Variants in CSMD1 observed in about 807,000 individuals in gnomAD.
The protein encoded by CSMD1 is CUB and sushi domain-containing protein 1.
A neutral mutation model predicts 417.5 loss-of-function variants in CSMD1; 213 were observed. The observed-to-expected ratio is 0.51, with a 90% CI of 0.46 to 0.57. The LOEUF (loss-of-function observed/expected upper bound fraction) is 0.57. Among genes scored for constraint, CSMD1 ranks in the 20% least tolerant of loss-of-function variants. CSMD1 has a pLI of 0.00. For missense variants in CSMD1, 6,923 were observed against 4,529.7 expected (o/e 1.53, Z -15.17); for synonymous variants, 2,862 against 1,736.8 (o/e 1.65, Z -16.11).
At chr8:4,166,850 G>C (rs565877979) in intron 3 of CSMD1, among the ~76,000 whole-genome samples, 1 of 152,148 alleles carries the variant, frequency 6.6e-6, no homozygotes, top group African/African-American at 2.4e-5. Context: ...ATTTAAATTT[G>C]TTTCAATGAA....
intron 6 of CSMD1, among the ~76,000 whole-genome samples, chr8:3,710,626 A>T (rs4348525): frequency 0.33 from 50,140 of 151,892 alleles, 8,456 homozygotes; most frequent in East Asian, 0.49. Context: ...ATTCTGACAC[A>T]CCTGGAGACC....
At chr8:3,112,248 A>C (rs910301746) in intron 42 of CSMD1, among the ~76,000 whole-genome samples, 2 of 152,202 alleles carry the variant, frequency 1.3e-5, no homozygotes, top group Non-Finnish European at 2.9e-5. Context: ...AACTCATGAA[A>C]CCAATTAGGC....
intron 3 of CSMD1, among the ~76,000 whole-genome samples, chr8:4,112,181 C>G (rs950350173): frequency 1.3e-5 from 2 of 152,184 alleles, no homozygotes; most frequent in East Asian, 1.9e-4. Flanking sequence ...TCTATAGCTG[C>G]TGAGCCATAA....
intron 4 of CSMD1, among the ~76,000 whole-genome samples, chr8:4,030,935 G>A (rs1026668853): frequency 6.6e-6 from 1 of 152,152 alleles, no homozygotes; most frequent in South Asian, 2.1e-4. Flanking sequence ...AATGCCATCA[G>A]TCTTTTTGCT....
intron 5 of CSMD1, among the ~76,000 whole-genome samples, chr8:3,952,390 G>A (rs1693943579): frequency 6.6e-6 from 1 of 152,128 alleles, no homozygotes; most frequent in African/African-American, 2.4e-5. Flanking sequence ...ATTCTACTTA[G>A]TTTCTTCATT....
chr8:3,923,409 C>G (rs751433567), intron 5 of CSMD1, among the ~76,000 whole-genome samples: 4 of 152,104 alleles, frequency 2.6e-5, no homozygotes, highest in Non-Finnish European at 5.9e-5. Flanking sequence ...CTTATTTTGT[C>G]AATTTGATTA....
At chr8:4,920,745 C>CCCAG (rs1427883718) in intron 1 of CSMD1, among the ~76,000 whole-genome samples, 3 of 151,646 alleles carry the variant, frequency 2.0e-5, no homozygotes, top group African/African-American at 7.3e-5. Flanking sequence ...ATCACTTGAA[C>CCCAG]CCAGGAGGCA....
intron 1 of CSMD1, among the ~76,000 whole-genome samples, chr8:4,748,469 A>G (rs1317367764): frequency 1.3e-5 from 2 of 152,304 alleles, no homozygotes; most frequent in Non-Finnish European, 2.9e-5. Context: ...GAAACTCTGG[A>G]AAGTGTGGCT....
chr8:4,322,589 A>G (rs1799332378), intron 3 of CSMD1, among the ~76,000 whole-genome samples: 1 of 152,258 alleles, frequency 6.6e-6, no homozygotes, highest in East Asian at 1.9e-4. Context: ...AAATTTCAAC[A>G]TAAAAGACAT....
At chr8:4,859,216 T>C (rs1014359810) in intron 1 of CSMD1, among the ~76,000 whole-genome samples, 2 of 151,848 alleles carry the variant, frequency 1.3e-5, no homozygotes, top group Admixed American at 6.6e-5. Flanking sequence ...TAGCCATATG[T>C]AGAAAGCTGA....
At chr8:4,715,306 T>A (rs1450577516) in intron 1 of CSMD1, among the ~76,000 whole-genome samples, 1 of 152,214 alleles carries the variant, frequency 6.6e-6, no homozygotes, top group African/African-American at 2.4e-5. Flanking sequence ...TTGACATGAT[T>A]TCTGTTTGGT....
chr8:3,147,910 T>C (rs965529070), intron 40 of CSMD1, among the ~76,000 whole-genome samples: 2 of 152,192 alleles, frequency 1.3e-5, no homozygotes, highest in African/African-American at 4.8e-5. Flanking sequence ...CTATCACATA[T>C]ATGCCTTTTC....
intron 1 of CSMD1, among the ~76,000 whole-genome samples, chr8:4,782,814 C>A (rs563928861): frequency 6.6e-6 from 1 of 152,056 alleles, no homozygotes; most frequent in East Asian, 1.9e-4. Flanking sequence ...TCACATGGTC[C>A]ACCAATTTAA....
chr8:3,994,802 T>C (rs1002145752), intron 5 of CSMD1, among the ~76,000 whole-genome samples: 1 of 152,192 alleles, frequency 6.6e-6, no homozygotes, highest in Non-Finnish European at 1.5e-5. Flanking sequence ...GTAATTTCAC[T>C]CCAAATTAAA....
chr8:4,642,947 C>T (rs1002653818), intron 1 of CSMD1, among the ~76,000 whole-genome samples: 4 of 152,084 alleles, frequency 2.6e-5, no homozygotes, highest in African/African-American at 7.2e-5. Context: ...ATTCTACAAA[C>T]GAGGAAACGA....
intron 5 of CSMD1, among the ~76,000 whole-genome samples, chr8:3,936,316 G>T (rs879685214): frequency 5.9e-5 from 9 of 152,164 alleles, no homozygotes; most frequent in African/African-American, 1.2e-4. Flanking sequence ...CTAAAAGGCA[G>T]ATATTGAGTG....
intron 3 of CSMD1, among the ~76,000 whole-genome samples, chr8:4,128,438 C>G (rs1364058223): frequency 6.6e-6 from 1 of 152,160 alleles, no homozygotes; most frequent in Non-Finnish European, 1.5e-5. Context: ...TGCAAGACAA[C>G]TATGAATGCA....
intron 49 of CSMD1, among the ~76,000 whole-genome samples, chr8:3,068,645 T>C (rs1813113028): frequency 6.6e-6 from 1 of 152,110 alleles, no homozygotes; most frequent in African/African-American, 2.4e-5. Flanking sequence ...CTTTCAAACA[T>C]GGCAGAAGGC....
chr8:3,959,134 T>C (rs1020746633), intron 5 of CSMD1, among the ~76,000 whole-genome samples: 1 of 152,216 alleles, frequency 6.6e-6, no homozygotes, highest in Non-Finnish European at 1.5e-5. Flanking sequence ...CACCAGTCTT[T>C]ACATATTTAA....
Sources: gnomAD v4.1 joint callset for allele counts (sites outside exome capture counted in the v4.1 genomes callset) on GRCh38, gnomAD v4.1.1 for gene constraint, MANE v1.5 for transcripts, NCBI Gene and HGNC (gene_info 2026-07-23, HGNC 2026-07-21) for gene names.